The following HS3ST5 variants were observed in gnomAD, a reference collection of about 807,000 sequenced individuals.
HS3ST5 encodes the protein heparan sulfate glucosamine 3-O-sulfotransferase 5.
In HS3ST5, 10 loss-of-function variants were observed where a neutral mutation model predicts 25.4. The observed-to-expected ratio is 0.39, with a 90% confidence interval of 0.24 to 0.67. The LOEUF (loss-of-function observed/expected upper bound fraction) is 0.67. HS3ST5 is among the 30% of genes least tolerant of loss of function. The probability of loss-of-function intolerance (pLI) is 0.44; values close to 1 mark genes in which losing one functional copy is unlikely to be tolerated. For synonymous variants in HS3ST5, 170 were observed against 162.4 expected, an observed-to-expected ratio of 1.05 and a Z score of -0.36; for missense variants, 324 against 420.7, an observed-to-expected ratio of 0.77 and a Z score of 2.01.
chr6:114,160,263 G>A (rs1778882456), intron 3 of HS3ST5, among the ~76,000 whole-genome samples: 2 of 151,938 alleles, frequency 1.3e-5, no homozygotes, highest in African/African-American at 4.8e-5. Context: ...TTTAATACCT[G>A]GTTAAATAGG....
chr6:114,141,963 A>G (rs1777927183), intron 3 of HS3ST5, among the ~76,000 whole-genome samples: 1 of 151,856 alleles, frequency 6.6e-6, no homozygotes, highest in South Asian at 2.1e-4. Context: ...ATTTGAATAA[A>G]ACAAATGCTT....
intron 3 of HS3ST5, among the ~76,000 whole-genome samples, chr6:114,109,788 C>CA (rs1434410857): frequency 6.6e-6 from 1 of 152,206 alleles, no homozygotes; most frequent in Non-Finnish European, 1.5e-5. Flanking sequence ...TGTCAAATAG[C>CA]AATTCTGCCT....
At chr6:114,250,592 A>T (rs1444484481) in intron 1 of HS3ST5, among the ~76,000 whole-genome samples, 2 of 152,186 alleles carry the variant, frequency 1.3e-5, no homozygotes, top group East Asian at 3.9e-4. Context: ...AAAAAAAAAA[A>T]AAAAATTTAT....
chr6:114,192,563 A>G (rs1399562295), intron 2 of HS3ST5, among the ~76,000 whole-genome samples: 1 of 152,194 alleles, frequency 6.6e-6, no homozygotes, highest in African/African-American at 2.4e-5. Context: ...AAACTTTACA[A>G]AACAAGGCTT....
At chr6:114,170,922 T>G (rs544020939) in intron 2 of HS3ST5, among the ~76,000 whole-genome samples, 1 of 152,300 alleles carries the variant, frequency 6.6e-6, no homozygotes, top group East Asian at 1.9e-4. Flanking sequence ...GTTCAAAAAG[T>G]GCTGTAAAAT....
At chr6:114,256,527 C>T (rs1052037116) in intron 1 of HS3ST5, among the ~76,000 whole-genome samples, 7 of 152,168 alleles carry the variant, frequency 4.6e-5, no homozygotes, top group Non-Finnish European at 8.8e-5. Context: ...AAGTTCCACA[C>T]ATCTCTAGGG....
At chr6:114,340,002 C>T (rs1189435385) in intron 1 of HS3ST5, among the ~76,000 whole-genome samples, 1 of 152,156 alleles carries the variant, frequency 6.6e-6, no homozygotes, top group Non-Finnish European at 1.5e-5. Context: ...AAAATAACAA[C>T]CCAGCTCAAC....
chr6:114,172,006 A>T (rs1015251101), intron 2 of HS3ST5, among the ~76,000 whole-genome samples: 1 of 152,058 alleles, frequency 6.6e-6, no homozygotes, highest in Non-Finnish European at 1.5e-5. Context: ...TCTCCAACAA[A>T]CCTCTATGGT....
intron 1 of HS3ST5, among the ~76,000 whole-genome samples, chr6:114,262,007 T>C (rs946345256): frequency 3.3e-5 from 5 of 152,220 alleles, no homozygotes; most frequent in African/African-American, 1.2e-4. Context: ...ATAATGAGTA[T>C]TGTTTTCAAT....
chr6:114,103,578 CT>C (rs942593285), intron 3 of HS3ST5, among the ~76,000 whole-genome samples: 14 of 151,596 alleles, frequency 9.2e-5, no homozygotes, highest in African/African-American at 3.1e-4. Context: ...CTTTCTCTTT[CT>C]TTTTTTAAAT....
intron 1 of HS3ST5, among the ~76,000 whole-genome samples, chr6:114,309,156 G>A (rs1212059152): frequency 6.6e-6 from 1 of 152,180 alleles, no homozygotes; most frequent in African/African-American, 2.4e-5. Context: ...TGTTGAAAGT[G>A]ATTTCTTTGA....
intron 3 of HS3ST5, among the ~76,000 whole-genome samples, chr6:114,104,390 A>T (rs1702344924): frequency 6.6e-6 from 1 of 152,114 alleles, no homozygotes; most frequent in South Asian, 2.1e-4. Flanking sequence ...TGGTATCTCA[A>T]ATCCAGGCCT....
intron 3 of HS3ST5, among the ~76,000 whole-genome samples, chr6:114,099,989 G>T (rs1775641518): frequency 6.6e-6 from 1 of 152,116 alleles, no homozygotes. Flanking sequence ...TTTTCCTACA[G>T]TCTGAAGGAA....
intron 1 of HS3ST5, among the ~76,000 whole-genome samples, chr6:114,282,365 T>G (rs906595683): frequency 2.0e-5 from 3 of 151,970 alleles, no homozygotes; most frequent in Admixed American, 2.0e-4. Context: ...ACCATTAATA[T>G]GTAAAAGAAG....
chr6:114,254,039 C>G (rs1317208901), intron 1 of HS3ST5, among the ~76,000 whole-genome samples: 2 of 151,516 alleles, frequency 1.3e-5, no homozygotes, highest in Admixed American at 6.6e-5. Context: ...AAGAGAGAGG[C>G]CTAAAAGGAG....
At chr6:114,336,249 T>A (rs1426281237) in intron 1 of HS3ST5, among the ~76,000 whole-genome samples, 1 of 152,230 alleles carries the variant, frequency 6.6e-6, no homozygotes, top group Non-Finnish European at 1.5e-5. Flanking sequence ...ATGCTAAGTA[T>A]TTTACATAGA....
At chr6:114,181,064 T>C (rs1374747233) in intron 2 of HS3ST5, among the ~76,000 whole-genome samples, 1 of 152,220 alleles carries the variant, frequency 6.6e-6, no homozygotes, top group African/African-American at 2.4e-5. Context: ...TTTGAAGAAC[T>C]GTTAAAACTC....
rs1308735593 is a variant in HS3ST5 at position 114,057,136 on chromosome 6, T to G, written c.*121A>C. Reference sequence around the variant, plus strand: ...CTTATATTTGGTCACACACTGCGTATGTACAAATATACATGGAAAAATGAC... The same window carrying G: ...CTTATATTTGGTCACACACTGCGTAGGTACAAATATACATGGAAAAATGAC... On this transcript the variant is annotated 3_prime_UTR_variant, in exon 5 of 5. Transcript: ENST00000312719. The G allele has an allele frequency of 1.4e-6, 1 of 719,556 alleles. No homozygotes were observed. Among genetic ancestry groups the G allele is most frequent in the Admixed American group, 2.6e-5 (1 of 38,392 alleles). 44.6% of individuals were successfully genotyped at this position (719,556 alleles called of 1,614,324 possible). A position where few individuals can be genotyped will look rare whatever the true frequency, so the allele number is the denominator to read the frequency against.
chr6:114,318,829 A>T (rs1775849529), intron 1 of HS3ST5, among the ~76,000 whole-genome samples: 1 of 152,186 alleles, frequency 6.6e-6, no homozygotes, highest in South Asian at 2.1e-4. Flanking sequence ...ATCACTCAGC[A>T]CTATGCTTGG....
Sources: allele counts gnomAD v4.1 joint callset (sites outside exome capture counted in the v4.1 genomes callset), GRCh38; gene constraint gnomAD v4.1.1; transcripts MANE v1.5; gene names NCBI Gene and HGNC (gene_info 2026-07-23, HGNC 2026-07-21).